BLTP1: variants seen among roughly 807,000 people sequenced by gnomAD.
BLTP1 encodes bridge-like lipid transfer protein family member 1, also known as fragile site-associated protein.
chr4:122,203,027 A>G, the BLTP1 span, among the ~76,000 whole-genome samples: 1 of 152,038 alleles, frequency 6.6e-6, no homozygotes, highest in South Asian at 2.1e-4. Flanking sequence ...AGCATAACAA[A>G]TAACTGTAGA....
At chr4:122,211,389 G>A in the BLTP1 span, among the ~76,000 whole-genome samples, 1 of 151,310 alleles carries the variant, frequency 6.6e-6, no homozygotes, top group Non-Finnish European at 1.5e-5. Context: ...TAGAGGGATA[G>A]CTAGGATAGA....
At chr4:122,325,718 A>G in the BLTP1 span, 6 of 849,954 alleles carry the variant, frequency 7.1e-6, no homozygotes, top group South Asian at 5.4e-5. Flanking sequence ...GATCAGCTTC[A>G]AAGTTGTATT....
the BLTP1 span, among the ~76,000 whole-genome samples, chr4:122,203,439 T>C: frequency 6.6e-6 from 1 of 151,800 alleles, no homozygotes; most frequent in African/African-American, 2.4e-5. Flanking sequence ...ACCAATTGAT[T>C]GATGTATTAT....
At chr4:122,197,256 A>G in the BLTP1 span, 4 of 1,482,106 alleles carry the variant, frequency 2.7e-6, no homozygotes, top group East Asian at 2.5e-5. Flanking sequence ...TAATATTCCA[A>G]TGACAGTTGA....
chr4:122,210,140 A>G, the BLTP1 span: 3 of 354,794 alleles, frequency 8.5e-6, no homozygotes, highest in African/African-American at 2.2e-5. Flanking sequence ...ATCTTCTATT[A>G]TGTTTAATCC....
the BLTP1 span, chr4:122,354,040 G>A: frequency 1.2e-6 from 2 of 1,605,170 alleles, no homozygotes; most frequent in South Asian, 2.2e-5. Flanking sequence ...AGTCTTTGGA[G>A]AGATTTATTT....
At chr4:122,234,867 G>A in the BLTP1 span, 32 of 1,613,492 alleles carry the variant, frequency 2.0e-5, no homozygotes, top group Non-Finnish European at 2.7e-5. Context: ...TGGTGGCACA[G>A]TAACTGGCCT....
the BLTP1 span, among the ~76,000 whole-genome samples, chr4:122,167,048 G>C: frequency 1.3e-5 from 2 of 152,146 alleles, no homozygotes; most frequent in African/African-American, 4.8e-5. Flanking sequence ...ACTTTTGCAA[G>C]GGGCCCTCTT....
chr4:122,158,285 A>G, the BLTP1 span, among the ~76,000 whole-genome samples: 8,755 of 152,294 alleles, frequency 0.057, 297 homozygotes, highest in Non-Finnish European at 0.075. Context: ...TAACCCTTTC[A>G]TTCGTGGTAG....
chr4:122,211,134 A>C, the BLTP1 span: 2 of 1,516,402 alleles, frequency 1.3e-6, no homozygotes, highest in Middle Eastern at 1.7e-4. Flanking sequence ...TTTTAAATAT[A>C]GACAAAGCAA....
the BLTP1 span, chr4:122,237,959 G>C: frequency 1.1e-6 from 1 of 911,726 alleles, no homozygotes; most frequent in Non-Finnish European, 1.5e-6. Flanking sequence ...TTCCAGCCTG[G>C]TGACAGAGCG....
At chr4:122,226,949 T>A in the BLTP1 span, 2 of 728,982 alleles carry the variant, frequency 2.7e-6, no homozygotes, top group South Asian at 4.7e-5. Context: ...AACTACAGTT[T>A]TTTCAGTTAA....
the BLTP1 span, chr4:122,212,030 C>G: frequency 2.0e-6 from 2 of 982,698 alleles, no homozygotes; most frequent in Non-Finnish European, 2.4e-6. Flanking sequence ...TATCGAATAC[C>G]TAGCTGACAA....
the BLTP1 span, chr4:122,263,417 A>C: frequency 6.4e-7 from 1 of 1,561,668 alleles, no homozygotes; most frequent in Non-Finnish European, 8.6e-7. Context: ...AAATAATATT[A>C]TACTCAGAAA....
At chr4:122,172,050 A>G in the BLTP1 span, 1 of 616,750 alleles carries the variant, frequency 1.6e-6, no homozygotes, top group Non-Finnish European at 2.0e-6. Context: ...ATGGCATATC[A>G]TCAAAATAAC....
chr4:122,357,089 A>ACTCATGCTTCTTTATTATGT, the BLTP1 span: 1 of 935,410 alleles, frequency 1.1e-6, no homozygotes, highest in Non-Finnish European at 1.3e-6. Context: ...CTACATAATA[A>ACTCATGCTTCTTTATTATGT]AGAAGCATGA....
chr4:122,169,683 A>G, the BLTP1 span: 1 of 971,470 alleles, frequency 1.0e-6, no homozygotes, highest in Non-Finnish European at 1.2e-6. Flanking sequence ...ATATACACAC[A>G]TATCTATATA....
At chr4:122,239,401 T>A in the BLTP1 span, 9 of 890,696 alleles carry the variant, frequency 1.0e-5, no homozygotes, top group Non-Finnish European at 1.3e-5. Flanking sequence ...GTAGATTTTC[T>A]TTTACTTGTA....
chr4:122,153,029 T>G, the BLTP1 span: 9 of 985,416 alleles, frequency 9.1e-6, no homozygotes, highest in Non-Finnish European at 1.1e-5. Flanking sequence ...CTGGGATTGA[T>G]GTGTTTTGTA....
Sources: allele counts gnomAD v4.1 joint callset (sites outside exome capture counted in the v4.1 genomes callset), GRCh38; gene constraint gnomAD v4.1.1; transcripts MANE v1.5; gene names NCBI Gene and HGNC (gene_info 2026-07-23, HGNC 2026-07-21).